EML6: variants seen among roughly 807,000 people sequenced by gnomAD.
EML6 encodes the protein echinoderm microtubule-associated protein-like 6.
In EML6, 154 loss-of-function variants were observed where a neutral mutation model predicts 240.1. That is an observed-to-expected ratio of 0.64 (90% CI 0.56 to 0.73). The LOEUF (loss-of-function observed/expected upper bound fraction) is 0.73, where lower values mean the gene tolerates loss of function less well. EML6 is among the 30% of genes least tolerant of loss of function. The probability of loss-of-function intolerance (pLI) is 0.00; values close to 1 mark genes in which losing one functional copy is unlikely to be tolerated. For missense variants in EML6, 2,964 were observed against 2,474.6 expected (o/e 1.20, Z -4.20); for synonymous variants, 1,148 against 899.0 (o/e 1.28, Z -4.95).
chr2:54,813,241 A>T lies in EML6; in HGVS notation c.207A>T (p.Leu69Phe). 6.5e-7 allele frequency: 1 copy of T among 1,549,544 alleles called. No homozygotes were observed. Among genetic ancestry groups the T allele is most frequent in the Non-Finnish European group, 8.7e-7 (1 of 1,145,864 alleles). ...ACCTTTTCTCTTTCAGCCTTGCCTT[A>T]CACCCAGACAAAACTCTCGTTGCAA... ...GHNDDIISLALHPDKTLVATG... is the reference protein window; with the variant it reads ...GHNDDIISLAFHPDKTLVATG... The change falls in exon 3 of 42, where the codon TTA becomes TTT. Residue 69 changes from leucine (L) to phenylalanine (F), a missense_variant. Leu to Phe is a conservative substitution (Grantham distance 22, BLOSUM62 0). Transcript: ENST00000356458.
At chr2:54,922,183 A>G (rs1221448437) in intron 26 of EML6, among the ~76,000 whole-genome samples, 1 of 152,252 alleles carries the variant, frequency 6.6e-6, no homozygotes, top group Non-Finnish European at 1.5e-5. Flanking sequence ...GGGTTAATAT[A>G]CAAAATATAT....
At chr2:54,818,934 C>T (rs982830114) in intron 4 of EML6, among the ~76,000 whole-genome samples, 5 of 152,154 alleles carry the variant, frequency 3.3e-5, no homozygotes, top group Non-Finnish European at 5.9e-5. Context: ...CACTAAAATA[C>T]TTAATCCATT....
chr2:54,917,463 C>G (rs1017815652), intron 26 of EML6, among the ~76,000 whole-genome samples: 6 of 149,766 alleles, frequency 4.0e-5, no homozygotes, highest in African/African-American at 1.5e-4. Flanking sequence ...CTCCCAGGTT[C>G]AGGCAATTCC....
chr2:54,815,493 T>C (rs1419687245), intron 3 of EML6, among the ~76,000 whole-genome samples: 1 of 152,210 alleles, frequency 6.6e-6, no homozygotes, highest in Non-Finnish European at 1.5e-5. Context: ...TTCTTTCAGC[T>C]TTTTCTCCAT....
At chr2:54,918,213 G>C (rs759352552) in intron 26 of EML6, among the ~76,000 whole-genome samples, 1 of 151,978 alleles carries the variant, frequency 6.6e-6, no homozygotes, top group Non-Finnish European at 1.5e-5. Flanking sequence ...TCTCTCCCTT[G>C]CAGCATCATG....
chr2:54,903,944 A>G (rs1451542617), intron 24 of EML6, among the ~76,000 whole-genome samples: 1 of 152,184 alleles, frequency 6.6e-6, no homozygotes, highest in Non-Finnish European at 1.5e-5. Context: ...AGAAATCTAC[A>G]TTCAGCCTGC....
chr2:54,872,983 T>A (rs1671332923), intron 16 of EML6, among the ~76,000 whole-genome samples: 1 of 152,194 alleles, frequency 6.6e-6, no homozygotes, highest in Non-Finnish European at 1.5e-5. Flanking sequence ...GTAAACTACT[T>A]GGCAGTAGAG....
In EML6 at chr2:54,827,690, A is replaced by G; in HGVS notation, c.650A>G (p.Asn217Ser). The change falls in exon 6 of 42, where the codon AAT (asparagine) becomes AGT (serine). Residue 217 changes from asparagine (N) to serine (S), a missense_variant. Physicochemically the swap from Asn to Ser is conservative, Grantham distance 46 (BLOSUM62 1). Coordinates refer to ENST00000356458, the MANE Select transcript of EML6 (RefSeq NM_001039753.4). ...KEDITYSGAL[N>S]GDIYVWKGLN... The stretch of plus-strand genomic sequence containing the variant: ...GACATCACCTACTCTGGTGCTTTAA[A>G]TGGTGACATCTATGTCTGGAAAGGG... 6.4e-7 allele frequency: 1 copy of G among 1,551,690 alleles called. No homozygotes were observed. The highest frequency in any genetic ancestry group is 1.4e-5 in the African/African-American group (1 of 73,168).
chr2:54,958,169 T>C (rs779847182), intron 33 of EML6, among the ~76,000 whole-genome samples, 171 bp downstream of exon 33: 3 of 152,132 alleles, frequency 2.0e-5, no homozygotes, highest in Non-Finnish European at 2.9e-5. Flanking sequence ...CTGTAGCACA[T>C]ATGGGTGGGT....
chr2:54,926,568 G>A (rs1292399600), intron 26 of EML6, among the ~76,000 whole-genome samples: 4 of 152,340 alleles, frequency 2.6e-5, no homozygotes, highest in South Asian at 4.1e-4. Flanking sequence ...CGTTTCCTCC[G>A]TAGGCCCTGC....
chr2:54,813,785 A>G (rs1260158234), intron 3 of EML6, among the ~76,000 whole-genome samples: 3 of 152,226 alleles, frequency 2.0e-5, no homozygotes, highest in Non-Finnish European at 4.4e-5. Context: ...CTTTCAAAAG[A>G]TGACATCACC....
intron 19 of EML6, among the ~76,000 whole-genome samples, chr2:54,894,567 C>G (rs1321453375): frequency 2.0e-5 from 3 of 152,130 alleles, no homozygotes; most frequent in Non-Finnish European, 4.4e-5. Context: ...ATACCAGAAA[C>G]TCTGCTAGGT....
intron 2 of EML6, among the ~76,000 whole-genome samples, chr2:54,729,591 ACTGT>A (rs957049763): frequency 6.6e-6 from 1 of 152,154 alleles, no homozygotes. Flanking sequence ...GCCTGTTGTC[ACTGT>A]CTGGCAGACT....
intron 2 of EML6, among the ~76,000 whole-genome samples, chr2:54,805,422 T>C (rs1301257611): frequency 1.3e-5 from 2 of 152,206 alleles, no homozygotes; most frequent in Non-Finnish European, 2.9e-5. Flanking sequence ...CTATTAGCAA[T>C]ATATATGCAT....
intron 35 of EML6, among the ~76,000 whole-genome samples, chr2:54,961,659 A>G (rs1031423918): frequency 2.0e-5 from 3 of 152,068 alleles, no homozygotes; most frequent in South Asian, 2.1e-4. Flanking sequence ...GAGAAAGGGC[A>G]AAGTAAGAGG....
At chr2:54,888,609 C>A (rs1399439977) in intron 17 of EML6, among the ~76,000 whole-genome samples, 4 of 152,110 alleles carry the variant, frequency 2.6e-5, no homozygotes, top group Admixed American at 1.3e-4. Flanking sequence ...ATAATTGGAA[C>A]TATATAGTAT....
At chr2:54,778,317 A>C (rs1668686577) in intron 2 of EML6, among the ~76,000 whole-genome samples, 1 of 152,218 alleles carries the variant, frequency 6.6e-6, no homozygotes, top group Non-Finnish European at 1.5e-5. Flanking sequence ...AAGGCTCTGA[A>C]GTTTGTGCTA....
chr2:54,815,008 G>C (rs1668018492), intron 3 of EML6, among the ~76,000 whole-genome samples: 1 of 152,196 alleles, frequency 6.6e-6, no homozygotes, highest in Non-Finnish European at 1.5e-5. Flanking sequence ...ACATGTACAA[G>C]TATAAATGTA....
chr2:54,848,164 A>G (rs1669870984), intron 9 of EML6, among the ~76,000 whole-genome samples: 1 of 152,194 alleles, frequency 6.6e-6, no homozygotes, highest in African/African-American at 2.4e-5. Flanking sequence ...CCCATAATTG[A>G]TACTAAAATG....
Sources: gnomAD v4.1 joint callset for allele counts (sites outside exome capture counted in the v4.1 genomes callset) on GRCh38, gnomAD v4.1.1 for gene constraint, MANE v1.5 for transcripts, NCBI Gene and HGNC (gene_info 2026-07-23, HGNC 2026-07-21) for gene names.